Variants in SHF observed in about 807,000 individuals in gnomAD.
SHF encodes SH2 domain-containing adapter protein F.
In SHF, 30 loss-of-function variants were observed where a neutral mutation model predicts 42.4. The ratio of observed to expected loss-of-function variants is 0.71; its 90% CI spans 0.53 to 0.96. The LOEUF (loss-of-function observed/expected upper bound fraction) is 0.96. Ranked by LOEUF, SHF falls within the 40% of genes least tolerant of loss-of-function variation. The pLI, the probability that SHF is intolerant of heterozygous loss-of-function variation, is 0.00. For synonymous variants in SHF, 264 were observed against 269.9 expected, an observed-to-expected ratio of 0.98 and a Z score of 0.21; for missense variants, 598 against 634.0, an observed-to-expected ratio of 0.94 and a Z score of 0.61.
chr15:45,194,112 A>C (rs2141447034), intron 2 of SHF, among the ~76,000 whole-genome samples: 1 of 151,372 alleles, frequency 6.6e-6, no homozygotes, highest in South Asian at 2.1e-4. Flanking sequence ...AAAAAAAAAA[A>C]AAAAAAAAAA....
chr15:45,179,846 A>G (rs1291126402), intron 1 of SHF, among the ~76,000 whole-genome samples: 1 of 152,142 alleles, frequency 6.6e-6, no homozygotes, highest in Non-Finnish European at 1.5e-5. Flanking sequence ...CTGGGCTGGG[A>G]GGCCGTGGGG....
At chr15:45,178,128 G>C in intron 2 of SHF, 37 bp downstream of exon 2, 1 of 1,600,324 alleles carries the variant, frequency 6.2e-7, no homozygotes. Flanking sequence ...GCAGAGCCCA[G>C]GCCTCAGGGA....
intron 6 of SHF, chr15:45,170,566 C>A: frequency 1.7e-6 from 1 of 573,128 alleles, no homozygotes; most frequent in Non-Finnish European, 2.7e-6. Context: ...TCCCTAGGAT[C>A]ACATAGCTAG....
At chr15:45,188,798 A>G (rs1898607666), upstream of SHF, among the ~76,000 whole-genome samples, 1 of 152,262 alleles carries the variant, frequency 6.6e-6, no homozygotes, top group Non-Finnish European at 1.5e-5. Context: ...CAGACAAGTC[A>G]ATAAATCAAG....
In SHF at chr15:45,187,846, C is replaced by T; in HGVS notation, c.106G>A (p.Gly36Arg). The change falls in exon 1 of 7, where the codon GGA (glycine) becomes AGA (arginine). Residue 36 changes from glycine (G) to arginine (R), a missense_variant. By Grantham distance (125) the Gly-to-Arg change is moderately radical. Transcript: ENST00000690270. Reference protein sequence around the residue: ...GGSRRGAGGAGAGPGGGGSGG... With the variant: ...GGSRRGAGGARAGPGGGGSGG... ...CTGCCGCCCCCTCCTGGGCCGGCTC[C>T]CGCACCCCCGGCGCCCCGGCGGGAC... 1.9e-6 allele frequency: 2 copies of T among 1,050,262 alleles called. No individual in the cohort carries two copies. Among genetic ancestry groups the T allele is most frequent in the Non-Finnish European group, 2.4e-6 (2 of 834,540 alleles). 65.1% of individuals were successfully genotyped at this position (1,050,262 alleles called of 1,614,324 possible).
chr15:45,176,896 C>A (rs1223988338), intron 2 of SHF, among the ~76,000 whole-genome samples: 1 of 152,202 alleles, frequency 6.6e-6, no homozygotes, highest in Non-Finnish European at 1.5e-5. Context: ...CTACACTGTT[C>A]TCCTTGGACC....
rs1350046376 is a variant in SHF at position 45,171,912 on chromosome 15, G to C, written c.1251C>G (p.Thr417=). The part of the protein sequence containing the change: ...EASYLVRNSE[T]SKNDFSLSLK... The stretch of plus-strand genomic sequence containing the variant: ...GGGAGAGGGAGAAGTCATTCTTGCT[G>C]GTCTCACTGTTGCGCACCAGGTAGC... The change falls in exon 6 of 7, where the codon ACC becomes ACG. Residue 417 remains threonine, a synonymous_variant. Coordinates refer to ENST00000690270, the MANE Select transcript of SHF (RefSeq NM_001394037.1). The C allele has an allele frequency of 6.2e-7, 1 of 1,613,596 alleles. No homozygotes were observed. The highest frequency in any genetic ancestry group is 8.5e-7 in the Non-Finnish European group (1 of 1,179,880).
intron 2 of SHF, among the ~76,000 whole-genome samples, chr15:45,194,185 A>G (rs1898797050): frequency 1.3e-5 from 2 of 151,846 alleles, no homozygotes; most frequent in South Asian, 4.2e-4. Flanking sequence ...TTCTTCTGTA[A>G]AGGAGAGCTT....
chr15:45,185,303 C>G (rs1019286023), intron 1 of SHF, among the ~76,000 whole-genome samples: 2 of 152,266 alleles, frequency 1.3e-5, no homozygotes, highest in African/African-American at 4.8e-5. Flanking sequence ...TACATAAACA[C>G]CAGCTCCACT....
upstream of SHF, among the ~76,000 whole-genome samples, chr15:45,192,293 G>A (rs1898727581): frequency 6.9e-6 from 1 of 145,318 alleles, no homozygotes; most frequent in South Asian, 2.2e-4. Context: ...TTTCCTTCAG[G>A]CAGCCTCCTG....
At chr15:45,170,594 T>C (rs774959489) in intron 6 of SHF, 1 of 402,370 alleles carries the variant, frequency 2.5e-6, no homozygotes, top group Non-Finnish European at 4.3e-6. Flanking sequence ...AATCCAAGAA[T>C]AGAACTCAGG....
At chr15:45,195,098 T>A (rs1010327283) in intron 2 of SHF, among the ~76,000 whole-genome samples, 6 of 152,014 alleles carry the variant, frequency 3.9e-5, no homozygotes, top group Admixed American at 3.9e-4. Context: ...TCCCAAAGTA[T>A]CGAAATTATA....
chr15:45,189,640 C>T (rs969948237), upstream of SHF, among the ~76,000 whole-genome samples: 2 of 152,040 alleles, frequency 1.3e-5, no homozygotes, highest in Non-Finnish European at 2.9e-5. Context: ...TTCCCCACCT[C>T]GGCCTTCCAA....
At chr15:45,190,886 T>C, upstream of SHF, among the ~76,000 whole-genome samples, 1 of 152,178 alleles carries the variant, frequency 6.6e-6, no homozygotes, top group East Asian at 1.9e-4. Context: ...CTTACTCTTG[T>C]TTTAAAAGAT....
intron 2 of SHF, among the ~76,000 whole-genome samples, chr15:45,177,655 T>A (rs1897887839): frequency 6.6e-6 from 1 of 152,084 alleles, no homozygotes; most frequent in Non-Finnish European, 1.5e-5. Flanking sequence ...ACCCACCCTG[T>A]CCTCTCTGAT....
chr15:45,194,074 C>G (rs2141446829), intron 2 of SHF, among the ~76,000 whole-genome samples: 1 of 144,640 alleles, frequency 6.9e-6, no homozygotes, highest in African/African-American at 2.6e-5. Flanking sequence ...TGTACTCCAG[C>G]CTGGGCAGCA....
intron 2 of SHF, chr15:45,198,588 G>C: frequency 1.6e-6 from 1 of 611,290 alleles, no homozygotes; most frequent in South Asian, 3.4e-5. Context: ...GCCCCTTGCC[G>C]TGCCATTGTT....
At chr15:45,171,641 G>T in intron 6 of SHF, 7 of 562,178 alleles carry the variant, frequency 1.2e-5, no homozygotes, top group Non-Finnish European at 2.2e-5. Context: ...GGTTAAGGGG[G>T]CCAGGCCACA....
At chr15:45,190,509 T>C (rs115098650), upstream of SHF, among the ~76,000 whole-genome samples, 2,725 of 151,960 alleles carry the variant, frequency 0.018, 85 homozygotes, top group African/African-American at 0.062. Flanking sequence ...TTAAGGGAGG[T>C]GATGAATATG....
Sources: allele counts gnomAD v4.1 joint callset (sites outside exome capture counted in the v4.1 genomes callset), GRCh38; gene constraint gnomAD v4.1.1; transcripts MANE v1.5; gene names NCBI Gene and HGNC (gene_info 2026-07-23, HGNC 2026-07-21).